The following CTIF variants were observed in gnomAD, a reference collection of about 807,000 sequenced individuals.
CTIF encodes the protein CBP80/20-dependent translation initiation factor.
Under a neutral mutation model 66.0 loss-of-function variants are expected in CTIF, and 21 were observed. That is an observed-to-expected ratio of 0.32 (90% CI 0.23 to 0.46). The LOEUF is 0.46. CTIF is among the 20% of genes least tolerant of loss of function. CTIF has a pLI of 1.00. For synonymous variants in CTIF, 345 were observed against 326.4 expected, an observed-to-expected ratio of 1.06 and a Z score of -0.62; for missense variants, 739 against 812.7, an observed-to-expected ratio of 0.91 and a Z score of 1.10.
At chr18:48,626,539 G>A (rs1184641379) in intron 2 of CTIF, among the ~76,000 whole-genome samples, 1 of 150,782 alleles carries the variant, frequency 6.6e-6, no homozygotes, top group Non-Finnish European at 1.5e-5. Context: ...AGTAGAGACG[G>A]AGTTTCACTA....
intron 1 of CTIF, among the ~76,000 whole-genome samples, chr18:48,618,281 G>A (rs61467498): frequency 0.021 from 3,234 of 152,290 alleles, 123 homozygotes; most frequent in African/African-American, 0.071. Context: ...CTAGGACCTC[G>A]CCTTTATTAC....
intron 1 of CTIF, among the ~76,000 whole-genome samples, chr18:48,597,705 T>G (rs1202488758): frequency 6.6e-6 from 1 of 152,178 alleles, no homozygotes; most frequent in Non-Finnish European, 1.5e-5. Flanking sequence ...TGCAGAACCA[T>G]GAACCAATGA....
chr18:48,553,725 A>G (rs904771450), intron 1 of CTIF, among the ~76,000 whole-genome samples: 2 of 148,964 alleles, frequency 1.3e-5, no homozygotes, highest in Non-Finnish European at 3.0e-5. Context: ...GCGTGATCTC[A>G]GCTCACTGCA....
intron 10 of CTIF, 81 bp from the exon 11 acceptor site, chr18:48,857,507 C>T (rs551788333): frequency 1.8e-5 from 24 of 1,304,890 alleles, no homozygotes; most frequent in African/African-American, 4.5e-5. Flanking sequence ...GGCTGCAGGT[C>T]GGCGGGGGCT....
intron 6 of CTIF, among the ~76,000 whole-genome samples, chr18:48,710,683 A>T (rs1414779111): frequency 6.6e-6 from 1 of 152,192 alleles, no homozygotes; most frequent in Non-Finnish European, 1.5e-5. Flanking sequence ...TCCAACCTTG[A>T]TGTAGATGTA....
intron 2 of CTIF, among the ~76,000 whole-genome samples, chr18:48,627,558 T>C (rs1310414998): frequency 6.6e-6 from 1 of 151,480 alleles, no homozygotes; most frequent in African/African-American, 2.4e-5. Flanking sequence ...GTCTCTACTA[T>C]AAATACAAAA....
intron 10 of CTIF, among the ~76,000 whole-genome samples, chr18:48,848,903 C>A (rs564244989): frequency 6.6e-6 from 1 of 152,258 alleles, no homozygotes; most frequent in Non-Finnish European, 1.5e-5. Context: ...GGAATGCATT[C>A]GCTTCCGAAC....
intron 1 of CTIF, among the ~76,000 whole-genome samples, chr18:48,585,261 T>A (rs2089742245): frequency 6.6e-6 from 1 of 152,232 alleles, no homozygotes; most frequent in Non-Finnish European, 1.5e-5. Flanking sequence ...ATCTTTATGT[T>A]GAAATATAGG....
chr18:48,587,766 G>T (rs909924924), intron 1 of CTIF, among the ~76,000 whole-genome samples: 1 of 152,108 alleles, frequency 6.6e-6, no homozygotes, highest in African/African-American at 2.4e-5. Flanking sequence ...ACACCTGTAA[G>T]ACAGGTTAGT....
chr18:48,761,838 C>T lies in CTIF; in HGVS notation c.1371+149C>T. 2 of 791,592 alleles carry T rather than the reference C, an allele frequency of 2.5e-6. No individual in the cohort carries two copies. Among genetic ancestry groups the T allele is most frequent in the Non-Finnish European group, 3.9e-6 (2 of 510,606 alleles). 49.0% of individuals were successfully genotyped at this position (791,592 alleles called of 1,614,324 possible). A position where few individuals can be genotyped will look rare whatever the true frequency, so the allele number is the denominator to read the frequency against. ...CGATTAATTATAGAAAACACAAAGG[C>T]AGTTAAGGGGCCAGGAATGAGCGGC... is the stretch of plus-strand genomic sequence containing the variant. On this transcript the variant is annotated intron_variant, in intron 9 of 11. Transcript: ENST00000256413. This position sits in a 1 kb window ranked among gnomAD's most constrained non-coding sequence, Gnocchi z 4.2.
At chr18:48,825,928 G>A (rs538306965) in intron 10 of CTIF, 1 of 152,344 alleles carries the variant, frequency 6.6e-6, no homozygotes, top group South Asian at 2.1e-4. Flanking sequence ...GTCCGGCCAA[G>A]GTTAAGGAAC....
chr18:48,565,139 G>T (rs1303566700), intron 1 of CTIF: 3 of 152,154 alleles, frequency 2.0e-5, no homozygotes, highest in Admixed American at 1.3e-4. Flanking sequence ...CTCCGGTCCT[G>T]TTTATTACTG....
At chr18:48,744,980 A>G (rs940538103) in intron 7 of CTIF, among the ~76,000 whole-genome samples, 16 of 151,974 alleles carry the variant, frequency 1.1e-4, no homozygotes, top group African/African-American at 3.6e-4. Flanking sequence ...ACACCACCAC[A>G]CCCGGCTAAT....
chr18:48,716,298 C>G (rs534883960), intron 7 of CTIF, among the ~76,000 whole-genome samples: 72 of 152,188 alleles, frequency 4.7e-4, no homozygotes, highest in Non-Finnish European at 9.7e-4. Context: ...CTGTGCATGA[C>G]TGTCAGTCAT....
At chr18:48,607,983 C>T (rs1340155353) in intron 1 of CTIF, among the ~76,000 whole-genome samples, 1 of 152,162 alleles carries the variant, frequency 6.6e-6, no homozygotes, top group Non-Finnish European at 1.5e-5. Flanking sequence ...GGCAATCCTT[C>T]GTCCTGATTT....
intron 1 of CTIF, among the ~76,000 whole-genome samples, chr18:48,611,736 A>C (rs1568071982): frequency 6.6e-6 from 1 of 152,184 alleles, no homozygotes; most frequent in Non-Finnish European, 1.5e-5. Context: ...TATGTTTTTC[A>C]TGGGTAGGTG....
At chr18:48,592,010 G>C (rs1042807249) in intron 1 of CTIF, among the ~76,000 whole-genome samples, 2 of 152,146 alleles carry the variant, frequency 1.3e-5, no homozygotes, top group African/African-American at 2.4e-5. Context: ...CCTCTGCTTC[G>C]GAAAGCGCTG....
At chr18:48,780,181 A>G (rs1442616334) in intron 9 of CTIF, among the ~76,000 whole-genome samples, 2 of 152,188 alleles carry the variant, frequency 1.3e-5, no homozygotes, top group African/African-American at 4.8e-5. Context: ...GAGAGAGGAA[A>G]AAAAACTAGA....
chr18:48,540,511 C>T (rs2145438802), intron 1 of CTIF, among the ~76,000 whole-genome samples: 2 of 150,510 alleles, frequency 1.3e-5, no homozygotes, highest in Middle Eastern at 7.0e-3. Context: ...TGGTAAAAGA[C>T]AATCGGGAGG....
Sources: allele counts gnomAD v4.1 joint callset (sites outside exome capture counted in the v4.1 genomes callset), GRCh38; gene constraint gnomAD v4.1.1; non-coding constraint Gnocchi (gnomAD v3.1); transcripts MANE v1.5; gene names NCBI Gene and HGNC (gene_info 2026-07-23, HGNC 2026-07-21).